PCDHGA1: variants seen among roughly 807,000 people sequenced by gnomAD.
PCDHGA1 encodes protocadherin gamma subfamily A, 1, also known as protocadherin gamma-A1.
A neutral mutation model predicts 58.0 loss-of-function variants in PCDHGA1; 32 were observed. The observed-to-expected ratio is 0.55, with a 90% CI of 0.42 to 0.74. The LOEUF is 0.74. Among genes scored for constraint, PCDHGA1 ranks in the 30% least tolerant of loss-of-function variants. The pLI, the probability that PCDHGA1 is intolerant of heterozygous loss-of-function variation, is 0.00. For synonymous variants in PCDHGA1, 498 were observed against 501.1 expected (o/e 0.99, Z 0.08); for missense variants, 1,205 against 1,182.3 (o/e 1.02, Z -0.28).
chr5:141,486,598 C>T lies in PCDHGA1; in HGVS notation c.2422-8209C>T. 2 of 1,613,604 alleles carry T rather than the reference C, an allele frequency of 1.2e-6. No homozygotes were observed. Among genetic ancestry groups the T allele is most frequent in the Non-Finnish European group, 1.7e-6 (2 of 1,179,998 alleles). ...ACAATCGCCCAGGGGACCTGCTTTG[C>T]TCCCTTGCAGCCTCTGACCCAGACT... On this transcript the variant is annotated intron_variant, in intron 1 of 3. Transcript: ENST00000517417. The surrounding 1 kb of genome is among the most constrained non-coding windows in gnomAD (Gnocchi z 5.0).
intron 1 of PCDHGA1, chr5:141,399,873 C>T (rs1331485851): frequency 1.9e-6 from 3 of 1,612,836 alleles, no homozygotes; most frequent in Non-Finnish European, 2.5e-6. Context: ...AGCCCGGCTA[C>T]CTGGTGACCA....
At chr5:141,383,430 C>T in intron 1 of PCDHGA1, 1 of 1,614,016 alleles carries the variant, frequency 6.2e-7, no homozygotes, top group Non-Finnish European at 8.5e-7. Context: ...CCAATCGCCA[C>T]TTCTCCCTGG....
chr5:141,494,613 G>A (rs2099755672), intron 1 of PCDHGA1, among the ~76,000 whole-genome samples, 194 bp from the exon 2 acceptor site: 1 of 152,136 alleles, frequency 6.6e-6, no homozygotes, highest in Non-Finnish European at 1.5e-5. Context: ...TTATCTCTTG[G>A]TTTCTGGTAC....
Position 141,485,193 on chromosome 5 carries a change from G to C in PCDHGA1, c.2422-9614G>C. 1 of 1,613,988 alleles carries C rather than the reference G, an allele frequency of 6.2e-7. No individual in the cohort carries two copies. Among genetic ancestry groups the C allele is most frequent in the Non-Finnish European group, 8.5e-7 (1 of 1,179,852 alleles). On this transcript the variant is annotated intron_variant, in intron 1 of 3. Transcript: ENST00000517417. This position sits in a 1 kb window ranked among gnomAD's most constrained non-coding sequence, Gnocchi z 5.7. ...GCAGCAATGCTCCGCAAGGTGAGAA[G>C]CTGGACAGAAATCTGGCGGTGGGCT...
intron 1 of PCDHGA1, chr5:141,422,102 T>A: frequency 6.2e-7 from 1 of 1,609,526 alleles, no homozygotes; most frequent in Non-Finnish European, 8.5e-7. Context: ...GCTTCTGAAA[T>A]ATTCCAATTG....
At chr5:141,405,966 C>T (rs1226823491) in intron 1 of PCDHGA1, among the ~76,000 whole-genome samples, 3 of 151,986 alleles carry the variant, frequency 2.0e-5, no homozygotes, top group South Asian at 4.1e-4. Flanking sequence ...CTGCTGTCAA[C>T]GTAAACCATA....
intron 1 of PCDHGA1, chr5:141,421,903 G>A (rs757656265): frequency 6.2e-6 from 10 of 1,613,704 alleles, no homozygotes; most frequent in African/African-American, 1.3e-5. Flanking sequence ...CCGAAAGGGC[G>A]CAGTTCCCAT....
chr5:141,507,849 C>CA (rs2099864208), intron 3 of PCDHGA1, among the ~76,000 whole-genome samples: 1 of 152,222 alleles, frequency 6.6e-6, no homozygotes, highest in African/African-American at 2.4e-5. Flanking sequence ...GCCCTGCTCT[C>CA]ACTTTCACAC....
chr5:141,344,773 A>G (rs773279498), intron 1 of PCDHGA1: 15 of 1,613,904 alleles, frequency 9.3e-6, no homozygotes, highest in Non-Finnish European at 1.3e-5. Flanking sequence ...CAGCCTGAGT[A>G]CCGTGTGAGT....
At chr5:141,382,592 A>G (rs1264942970) in intron 1 of PCDHGA1, 1 of 246,462 alleles carries the variant, frequency 4.1e-6, no homozygotes, top group Admixed American at 5.4e-5. Context: ...TTGAAAGATG[A>G]AACAATTTTC....
intron 1 of PCDHGA1, chr5:141,410,724 C>G: frequency 7.2e-7 from 1 of 1,385,884 alleles, no homozygotes; most frequent in Non-Finnish European, 9.6e-7. Flanking sequence ...TGTTTAAAAT[C>G]CATAGCTTTT....
In PCDHGA1 at chr5:141,485,308, A is replaced by G; in HGVS notation, c.2422-9499A>G. On this transcript the variant is annotated intron_variant, in intron 1 of 3. Coordinates refer to ENST00000517417, the MANE Select transcript of PCDHGA1 (RefSeq NM_018912.3). The surrounding 1 kb of genome is among the most constrained non-coding windows in gnomAD (Gnocchi z 5.7). ...AGGAGTCACAGGAAGGGACTTTTGTAGGGAATGTCGCTCAAGATTTCCTGC... is the reference window on the plus strand; with the variant it reads ...AGGAGTCACAGGAAGGGACTTTTGTGGGGAATGTCGCTCAAGATTTCCTGC... 6.2e-7 allele frequency: 1 copy of G among 1,614,112 alleles called. No individual in the cohort carries two copies. The highest frequency in any genetic ancestry group is 8.5e-7 in the Non-Finnish European group (1 of 1,179,996).
intron 1 of PCDHGA1, chr5:141,418,063 G>C (rs2015825): frequency 1.9e-6 from 3 of 1,613,754 alleles, no homozygotes; most frequent in Admixed American, 1.7e-5. Flanking sequence ...AGCTGCGAGT[G>C]AGCGCGGAGA....
rs765586654 is a variant in PCDHGA1 at position 141,421,994 on chromosome 5, T to C, written c.2422-72813T>C. 8 of 1,608,922 alleles carry C rather than the reference T, an allele frequency of 5.0e-6. No homozygotes were observed. In the African/African-American group the frequency reaches 5.4e-5, roughly 11 times the overall value. On this transcript the variant is annotated intron_variant, in intron 1 of 3. Coordinates refer to ENST00000517417, the MANE Select transcript of PCDHGA1 (RefSeq NM_018912.3). ...TATCGCGTGAGTGTTCCAGAAAACA[T>C]CAGCTCCGGAACTCGGGTGCTGATG...
In PCDHGA1 at chr5:141,486,581, C is replaced by T; in HGVS notation, c.2422-8226C>T. 1 of 1,613,764 alleles carries T rather than the reference C, an allele frequency of 6.2e-7. No individual in the cohort carries two copies. The highest frequency in any genetic ancestry group is 1.1e-5 in the South Asian group (1 of 91,082). On this transcript the variant is annotated intron_variant, in intron 1 of 3. Coordinates refer to ENST00000517417, the MANE Select transcript of PCDHGA1 (RefSeq NM_018912.3). This position sits in a 1 kb window ranked among gnomAD's most constrained non-coding sequence, Gnocchi z 5.0. ...GGTGTTTGTTCCTGAGAACAATCGC[C>T]CAGGGGACCTGCTTTGCTCCCTTGC... is the stretch of plus-strand genomic sequence containing the variant.
chr5:141,372,230 C>T lies in PCDHGA1; in HGVS notation c.2421+39125C>T, dbSNP rs781407090. ...TGTCCTACCACATTGTGCAGGCCAG[C>T]GAGCCCGGGCTGTTCAGCCTGGGCC... On this transcript the variant is annotated intron_variant, in intron 1 of 3. Coordinates refer to ENST00000517417, the MANE Select transcript of PCDHGA1 (RefSeq NM_018912.3). The T allele has an allele frequency of 6.2e-6, 10 of 1,613,346 alleles. No individual in the cohort carries two copies. In the East Asian group the frequency reaches 2.2e-4, roughly 36 times the overall value.
At position 141,511,983 on chromosome 5, in the gene PCDHGA1, G is replaced by A. The variant is rs904146751; in HGVS notation, c.*810G>A. 6.5e-6 allele frequency: 1 copy of A among 153,280 alleles called. No homozygotes were observed. The highest frequency in any genetic ancestry group is 1.5e-5 in the Non-Finnish European group (1 of 68,572). The allele number at this position is 153,280 out of a possible 1,614,324, so 9.5% of individuals were successfully genotyped here. A position where few individuals can be genotyped will look rare whatever the true frequency, so the allele number is the denominator to read the frequency against. ...AGGGAAGTGTGTGGATGTGGATGGT[G>A]GGGGCATGGACAAAGCTTGACACAT... On this transcript the variant is annotated 3_prime_UTR_variant, in exon 4 of 4. Coordinates refer to ENST00000517417, the MANE Select transcript of PCDHGA1 (RefSeq NM_018912.3).
At chr5:141,358,383 C>T (rs1020680393) in intron 1 of PCDHGA1, among the ~76,000 whole-genome samples, 2 of 152,124 alleles carry the variant, frequency 1.3e-5, no homozygotes, top group Admixed American at 6.5e-5. Flanking sequence ...CTCTACCATG[C>T]TTTGCTTGAA....
intron 1 of PCDHGA1, among the ~76,000 whole-genome samples, chr5:141,381,279 A>G (rs1001552478): frequency 3.3e-5 from 5 of 152,246 alleles, no homozygotes; most frequent in Non-Finnish European, 7.3e-5. Flanking sequence ...GTTTCTTGCC[A>G]GGTCTTTATT....
Sources: allele counts gnomAD v4.1 joint callset (sites outside exome capture counted in the v4.1 genomes callset), GRCh38; gene constraint gnomAD v4.1.1; non-coding constraint Gnocchi (gnomAD v3.1); transcripts MANE v1.5; gene names NCBI Gene and HGNC (gene_info 2026-07-23, HGNC 2026-07-21).